Variants in CACNA1D observed in about 807,000 individuals in gnomAD.
The protein encoded by CACNA1D is calcium voltage-gated channel subunit alpha1 D.
Under a neutral mutation model 257.1 loss-of-function variants are expected in CACNA1D, and 55 were observed. The ratio of observed to expected loss-of-function variants is 0.21; its 90% confidence interval spans 0.17 to 0.27. The LOEUF (loss-of-function observed/expected upper bound fraction) is 0.27, where lower values mean the gene tolerates loss of function less well. Ranked by LOEUF, CACNA1D falls within the 10% of genes least tolerant of loss-of-function variation. The pLI is 1.00. For synonymous variants in CACNA1D, 980 were observed against 1,014.9 expected (o/e 0.97, Z 0.65); for missense variants, 1,876 against 2,784.0 (o/e 0.67, Z 7.34).
intron 2 of CACNA1D, 146 bp downstream of exon 2, chr3:53,497,607 C>CA (rs2090406026): frequency 1.3e-6 from 1 of 797,134 alleles, no homozygotes; most frequent in African/African-American, 1.7e-5. Context: ...ATTGTATATA[C>CA]CTTCCTGTCT....
Position 53,722,487 on chromosome 3 carries a change from G to A in CACNA1D, c.1666+13G>A. On this transcript the variant is annotated intron_variant, in intron 12 of 47. Transcript: ENST00000350061. ...ACACAGATTCAAGGTACAAGCAGAGGCCATTCCTTTTTTGTTCTGAACTAG... is the reference window on the plus strand; with the variant it reads ...ACACAGATTCAAGGTACAAGCAGAGACCATTCCTTTTTTGTTCTGAACTAG... The A allele has an allele frequency of 6.2e-7, 1 of 1,613,882 alleles. No homozygotes were observed. The highest frequency in any genetic ancestry group is 1.1e-5 in the South Asian group (1 of 91,086).
At chr3:53,696,620 A>G (rs1411191466) in intron 8 of CACNA1D, among the ~76,000 whole-genome samples, 1 of 152,196 alleles carries the variant, frequency 6.6e-6, no homozygotes, top group African/African-American at 2.4e-5. Flanking sequence ...TGGATGGGGT[A>G]AGCCAGAGAA....
chr3:53,810,781 A>AC (rs1256156766), intron 47 of CACNA1D, among the ~76,000 whole-genome samples: 5 of 140,552 alleles, frequency 3.6e-5, no homozygotes, highest in Non-Finnish European at 6.2e-5. Flanking sequence ...AAAAAAAAAA[A>AC]AAAAACAAAA....
intron 8 of CACNA1D, among the ~76,000 whole-genome samples, chr3:53,685,716 A>G (rs2094468466): frequency 6.6e-6 from 1 of 152,134 alleles, no homozygotes; most frequent in Admixed American, 6.5e-5. Flanking sequence ...ATAACTCAAA[A>G]AATAATAAAA....
At chr3:53,563,973 T>G (rs1018805003) in intron 3 of CACNA1D, among the ~76,000 whole-genome samples, 9 of 152,242 alleles carry the variant, frequency 5.9e-5, no homozygotes, top group African/African-American at 2.2e-4. Context: ...AGGGGTTATA[T>G]AAATTTATAC....
rs1313813677 is a variant in CACNA1D at position 53,495,178 on chromosome 3, G to C, written c.12G>C (p.Met4Ile). The C allele has an allele frequency of 6.2e-7, 1 of 1,607,542 alleles. No individual in the cohort carries two copies. The highest frequency in any genetic ancestry group is 8.5e-7 in the Non-Finnish European group (1 of 1,176,318). Residue 4 changes from methionine to isoleucine, a missense_variant, in exon 1 of 48, where the codon ATG (methionine) becomes ATC (isoleucine). Coordinates refer to ENST00000350061, the MANE Select transcript of CACNA1D (RefSeq NM_001128840.3). The surrounding 1 kb of genome is among the most constrained non-coding windows in gnomAD (Gnocchi z 5.1). ...ATAAATGTTCGTGGATGATGATGAT[G>C]ATGATGATGAAAAAAATGCAGCATC... MMM[M>I]MMMKKMQHQR...
At chr3:53,780,237 GA>G in intron 38 of CACNA1D, 109 bp downstream of exon 38, 1 of 866,966 alleles carries the variant, frequency 1.2e-6, no homozygotes. Flanking sequence ...AGGCCCTGGG[GA>G]AGGGGCTGGC....
rs189917532 is a variant in CACNA1D, at chr3:53,515,946, G to A, written c.483+14226G>A. On this transcript the variant is annotated intron_variant, in intron 3 of 47. Transcript: ENST00000350061. ...CTCTCTCTCTCTTCAGCCTTCCACC[G>A]TATCAGGAGAGTGGAGACTCTGGAG... Among the ~76,000 whole-genome samples, 45 of 152,258 alleles carry A rather than the reference G, an allele frequency of 3.0e-4. 1 individual carries two copies. The highest frequency in any genetic ancestry group is 3.4e-3 in the Middle Eastern group (1 of 294).
At chr3:53,572,347 C>A (rs1020257732) in intron 3 of CACNA1D, among the ~76,000 whole-genome samples, 1 of 151,054 alleles carries the variant, frequency 6.6e-6, no homozygotes, top group Non-Finnish European at 1.5e-5. Context: ...TTTTGGCCCT[C>A]TCTGCCTCTG....
intron 9 of CACNA1D, among the ~76,000 whole-genome samples, chr3:53,713,583 G>T (rs1395059263): frequency 6.8e-6 from 1 of 147,992 alleles, no homozygotes; most frequent in African/African-American, 2.5e-5. Context: ...GACACATTTG[G>T]CTGAGACGAA....
At chr3:53,528,994 T>C (rs1009549199) in intron 3 of CACNA1D, among the ~76,000 whole-genome samples, 55 of 152,200 alleles carry the variant, frequency 3.6e-4, no homozygotes, top group African/African-American at 1.2e-3. Flanking sequence ...TATGTATATA[T>C]GTATGTATGT....
intron 8 of CACNA1D, among the ~76,000 whole-genome samples, chr3:53,699,646 A>T (rs1207348603): frequency 1.3e-5 from 2 of 152,170 alleles, no homozygotes; most frequent in Non-Finnish European, 2.9e-5. Context: ...TGGCCAACAG[A>T]TTTCTACTGT....
At chr3:53,761,745 A>AGTGTGT (rs111473773) in intron 29 of CACNA1D, among the ~76,000 whole-genome samples, 21 of 150,176 alleles carry the variant, frequency 1.4e-4, no homozygotes, top group African/African-American at 4.9e-4. Context: ...CAGGACCGTG[A>AGTGTGT]GTGTGTGTGT....
chr3:53,539,245 G>A (rs550832465), intron 3 of CACNA1D, among the ~76,000 whole-genome samples: 1 of 152,166 alleles, frequency 6.6e-6, no homozygotes, highest in South Asian at 2.1e-4. Context: ...TAGTAGCTGG[G>A]ATTACAGATG....
At position 53,574,995 on chromosome 3, in the gene CACNA1D, G is replaced by C. The variant is rs544763133; in HGVS notation, c.483+73275G>C. On this transcript the variant is annotated intron_variant, in intron 3 of 47. Coordinates refer to ENST00000350061, the MANE Select transcript of CACNA1D (RefSeq NM_001128840.3). ...AAACCTCATTGAGGTCTTGAGACAG[G>C]GGCGCAGGCCAGGCACATCTAAGTG... Among the ~76,000 whole-genome samples, 12 of 152,342 alleles carry C rather than the reference G, an allele frequency of 7.9e-5. 1 individual carries two copies. Among genetic ancestry groups the C allele is most frequent in the African/African-American group, 2.9e-4 (12 of 41,566 alleles).
intron 3 of CACNA1D, among the ~76,000 whole-genome samples, chr3:53,569,170 T>G (rs1246500467): frequency 6.6e-6 from 1 of 152,194 alleles, no homozygotes; most frequent in Non-Finnish European, 1.5e-5. Context: ...TCCTCCTATT[T>G]CTATCAGCAC....
intron 11 of CACNA1D, among the ~76,000 whole-genome samples, chr3:53,720,833 T>C (rs960371390): frequency 3.9e-5 from 6 of 152,212 alleles, no homozygotes; most frequent in Non-Finnish European, 7.3e-5. Flanking sequence ...AAAAATAGTT[T>C]GGTAGTTCCT....
At chr3:53,746,052 A>G (rs1029292034) in intron 25 of CACNA1D, among the ~76,000 whole-genome samples, 177 bp downstream of exon 25, 2 of 152,064 alleles carry the variant, frequency 1.3e-5, no homozygotes, top group Admixed American at 1.3e-4. Flanking sequence ...CGTAACATCA[A>G]CCATTTTCAG....
chr3:53,726,939 C>G lies in CACNA1D; in HGVS notation c.2161C>G (p.Pro721Ala), dbSNP rs1261076203. The G allele has an allele frequency of 1.2e-6, 2 of 1,614,118 alleles. No homozygotes were observed. Among genetic ancestry groups the G allele is most frequent in the Non-Finnish European group, 1.7e-6 (2 of 1,179,952 alleles). ...MYDGIMAYGGPSSSGMIVCIY... is the reference protein window; with the variant it reads ...MYDGIMAYGGASSSGMIVCIY... ...CGATGGCATCATGGCTTACGGGGGC[C>G]CATCCTCTTCAGGAATGATCGTCTG... is the stretch of plus-strand genomic sequence containing the variant. Residue 721 changes from proline (P) to alanine (A), a missense_variant, in exon 15 of 48, where the codon CCA (proline) becomes GCA (alanine). Pro to Ala is a conservative substitution (Grantham distance 27). Around this residue, in one of 10 missense-constraint regions of CACNA1D, gnomAD observed 257 missense variants for 399.7 expected, o/e 0.64. Transcript: ENST00000350061.
Sources: gnomAD v4.1 joint callset for allele counts (sites outside exome capture counted in the v4.1 genomes callset) on GRCh38, gnomAD v4.1.1 for gene constraint, gnomAD v4.1.1 regional missense constraint, Gnocchi (gnomAD v3.1) non-coding constraint, MANE v1.5 for transcripts, NCBI Gene and HGNC (gene_info 2026-07-23, HGNC 2026-07-21) for gene names.